Variants in ADCY2 observed in about 807,000 individuals in gnomAD.
The protein encoded by ADCY2 is adenylate cyclase type 2.
ADCY2 carries 31 observed loss-of-function variants against 125.2 expected under a neutral mutation model. The ratio of observed to expected loss-of-function variants is 0.25; its 90% CI spans 0.19 to 0.33. The LOEUF is 0.33. Among genes scored for constraint, ADCY2 ranks in the 10% least tolerant of loss-of-function variants. ADCY2 has a pLI of 1.00. For synonymous variants in ADCY2, 512 were observed against 548.4 expected, an observed-to-expected ratio of 0.93 and a Z score of 0.93; for missense variants, 904 against 1,418.2, an observed-to-expected ratio of 0.64 and a Z score of 5.82.
chr5:7,677,306 A>T (rs1008039036), intron 4 of ADCY2, among the ~76,000 whole-genome samples: 6 of 152,114 alleles, frequency 3.9e-5, no homozygotes, highest in African/African-American at 1.4e-4. Context: ...CAAACAAAAA[A>T]AAAGAAATTA....
chr5:7,403,802 A>G (rs1037155971), intron 1 of ADCY2, among the ~76,000 whole-genome samples: 18 of 152,196 alleles, frequency 1.2e-4, no homozygotes, highest in African/African-American at 4.1e-4. Context: ...TGGAGAATCA[A>G]TTGCCACTGA....
intron 1 of ADCY2, among the ~76,000 whole-genome samples, chr5:7,402,037 C>G (rs377292410): frequency 1.3e-5 from 2 of 152,234 alleles, no homozygotes; most frequent in East Asian, 1.9e-4. Flanking sequence ...CCCTGGATGG[C>G]AGTCCACCCT....
intron 7 of ADCY2, among the ~76,000 whole-genome samples, chr5:7,706,063 G>A (rs1392285142): frequency 2.6e-5 from 4 of 152,072 alleles, no homozygotes; most frequent in Non-Finnish European, 5.9e-5. Context: ...TACTTGTTTT[G>A]CAATACTACT....
At chr5:7,465,096 A>C (rs1050131471) in intron 2 of ADCY2, among the ~76,000 whole-genome samples, 1 of 152,146 alleles carries the variant, frequency 6.6e-6, no homozygotes, top group Non-Finnish European at 1.5e-5. Context: ...TGGGGGAACC[A>C]CCCCCATGAT....
chr5:7,676,051 G>A (rs1365587633), intron 4 of ADCY2, among the ~76,000 whole-genome samples: 1 of 152,162 alleles, frequency 6.6e-6, no homozygotes, highest in African/African-American at 2.4e-5. Context: ...CTTTTCAGAT[G>A]TGTTACTTTA....
chr5:7,566,392 T>C (rs1403879351), intron 3 of ADCY2, among the ~76,000 whole-genome samples: 3 of 151,982 alleles, frequency 2.0e-5, no homozygotes, highest in Admixed American at 1.3e-4. Flanking sequence ...GCTACTTGGG[T>C]GGCCAAGGTG....
In ADCY2 at chr5:7,709,901, C is replaced by T. The variant is rs147722999; in HGVS notation, c.1578+514C>T. Among the ~76,000 whole-genome samples the T allele has an allele frequency of 1.8e-3, 276 of 152,074 alleles. 2 individuals are homozygous for T. Among genetic ancestry groups the T allele is most frequent in the African/African-American group, 6.1e-3 (253 of 41,486 alleles). On this transcript the variant is annotated intron_variant, in intron 10 of 24. Coordinates refer to ENST00000338316, the MANE Select transcript of ADCY2 (RefSeq NM_020546.3). This position sits in a 1 kb window ranked among gnomAD's most constrained non-coding sequence, Gnocchi z 4.4. ...AAGCTCCTTACACCAGGGACATCTG[C>T]GATAAGATGGCTGCAATGGAGAAGG...
chr5:7,743,632 C>T, intron 14 of ADCY2, 36 bp from the exon 15 acceptor site: 2 of 1,591,640 alleles, frequency 1.3e-6, no homozygotes, highest in Non-Finnish European at 1.7e-6. Context: ...GAGAAACGAT[C>T]TCCACCCTGA....
intron 2 of ADCY2, among the ~76,000 whole-genome samples, chr5:7,445,778 C>T (rs1248756109): frequency 6.6e-6 from 1 of 152,016 alleles, no homozygotes; most frequent in East Asian, 1.9e-4. Context: ...ACTGTGTCTT[C>T]TTTTTTTCAT....
chr5:7,606,241 C>G (rs1390597222), intron 3 of ADCY2, among the ~76,000 whole-genome samples: 2 of 152,084 alleles, frequency 1.3e-5, no homozygotes, highest in African/African-American at 2.4e-5. Context: ...ATATGTTTTA[C>G]TTCGATAAAA....
At chr5:7,535,808 G>A (rs1734794180) in intron 3 of ADCY2, among the ~76,000 whole-genome samples, 2 of 152,182 alleles carry the variant, frequency 1.3e-5, no homozygotes, top group Non-Finnish European at 2.9e-5. Context: ...AGCTAAGTTT[G>A]AACTGTTGCT....
intron 1 of ADCY2, among the ~76,000 whole-genome samples, chr5:7,405,641 C>T (rs1267478542): frequency 6.6e-6 from 1 of 152,200 alleles, no homozygotes; most frequent in Non-Finnish European, 1.5e-5. Context: ...ATTGCTTGTG[C>T]CATGCACCTG....
intron 2 of ADCY2, among the ~76,000 whole-genome samples, chr5:7,436,799 T>C (rs1864071): frequency 0.76 from 115,167 of 152,086 alleles, 44,130 homozygotes; most frequent in Non-Finnish European, 0.83. Context: ...GCAGCCTGTT[T>C]GGGACACTTT....
intron 3 of ADCY2, among the ~76,000 whole-genome samples, chr5:7,565,254 C>A (rs1382295418): frequency 6.6e-6 from 1 of 152,146 alleles, no homozygotes; most frequent in African/African-American, 2.4e-5. Context: ...TATTCAAGAG[C>A]CTTTCAAAGC....
chr5:7,661,750 T>C (rs1041314266), intron 4 of ADCY2, among the ~76,000 whole-genome samples: 3 of 152,178 alleles, frequency 2.0e-5, no homozygotes, highest in Admixed American at 1.3e-4. Context: ...ACCAAAAAAA[T>C]TGTATTTTTA....
chr5:7,567,367 AT>A (rs1034559213), intron 3 of ADCY2, among the ~76,000 whole-genome samples: 1 of 152,070 alleles, frequency 6.6e-6, no homozygotes, highest in Middle Eastern at 3.4e-3. Flanking sequence ...GCATTTGCTT[AT>A]TTTTTTTCCC....
chr5:7,697,470 C>T (rs865782994), intron 6 of ADCY2, among the ~76,000 whole-genome samples: 1 of 152,110 alleles, frequency 6.6e-6, no homozygotes, highest in Non-Finnish European at 1.5e-5. Flanking sequence ...TAACCTTACA[C>T]TAAGGAACTC....
chr5:7,396,434 C>T lies in ADCY2; in HGVS notation c.138C>T (p.Leu46=). Reference sequence around the variant, plus strand: ...ACTGCATGAGCCAGCAGCACCCGCTCATCGTCTTCCTGCTGCTCATCGTCA... The same window carrying T: ...ACTGCATGAGCCAGCAGCACCCGCTTATCGTCTTCCTGCTGCTCATCGTCA... ...SYYCMSQQHP[L]IVFLLLIVMG... is the part of the protein sequence containing the mutation. Residue 46 remains leucine, a synonymous_variant, in exon 1 of 25, where the codon CTC becomes CTT. Coordinates refer to ENST00000338316, the MANE Select transcript of ADCY2 (RefSeq NM_020546.3). The surrounding 1 kb of genome is among the most constrained non-coding windows in gnomAD (Gnocchi z 5.7). 1.3e-6 allele frequency: 2 copies of T among 1,579,928 alleles called. No homozygotes were observed. The highest frequency in any genetic ancestry group is 8.6e-7 in the Non-Finnish European group (1 of 1,163,554).
chr5:7,687,739 A>G (rs1740563451), intron 4 of ADCY2, among the ~76,000 whole-genome samples: 1 of 152,236 alleles, frequency 6.6e-6, no homozygotes, highest in African/African-American at 2.4e-5. Flanking sequence ...CAAGCAAGGA[A>G]GAAGGGAATA....
Sources: gnomAD v4.1 joint callset for allele counts (sites outside exome capture counted in the v4.1 genomes callset) on GRCh38, gnomAD v4.1.1 for gene constraint, Gnocchi (gnomAD v3.1) non-coding constraint, MANE v1.5 for transcripts, NCBI Gene and HGNC (gene_info 2026-07-23, HGNC 2026-07-21) for gene names.